The following SPTAN1 variants were observed in gnomAD, a reference collection of about 807,000 sequenced individuals.
The protein encoded by SPTAN1 is spectrin alpha, non-erythrocytic 1.
SPTAN1 carries 61 observed loss-of-function variants against 331.3 expected under a neutral mutation model. The observed-to-expected ratio is 0.18, with a 90% CI of 0.15 to 0.23. SPTAN1 has a LOEUF of 0.23. SPTAN1 is among the 10% of genes least tolerant of loss of function. The pLI is 1.00. For missense variants in SPTAN1, 2,043 were observed against 3,147.9 expected, an observed-to-expected ratio of 0.65 and a Z score of 8.40; for synonymous variants, 1,153 against 1,173.9, an observed-to-expected ratio of 0.98 and a Z score of 0.36.
At chr9:128,610,091 A>G (rs924369209) in intron 37 of SPTAN1, among the ~76,000 whole-genome samples, 1 of 152,204 alleles carries the variant, frequency 6.6e-6, no homozygotes, top group Non-Finnish European at 1.5e-5. Flanking sequence ...GTTTTAATGC[A>G]TACCCACTCT....
At position 128,629,602 on chromosome 9, in the gene SPTAN1, T is replaced by C. The variant is rs921752946; in HGVS notation, c.6708-719T>C. ...ACGTAACCCTAACTCGTTTGTTGTC[T>C]TTGTTTACTGGTAGCCTCTGTGACC... On this transcript the variant is annotated intron_variant, in intron 51 of 56. Transcript: ENST00000372739. This position sits in a 1 kb window ranked among gnomAD's most constrained non-coding sequence, Gnocchi z 4.9. 1 of 169,326 alleles carries C rather than the reference T, an allele frequency of 5.9e-6. No homozygotes were observed. Among genetic ancestry groups the C allele is most frequent in the Non-Finnish European group, 1.3e-5 (1 of 78,582 alleles). 10.5% of individuals were successfully genotyped at this position (169,326 alleles called of 1,614,324 possible).
chr9:128,568,355 G>T (rs10988041), intron 2 of SPTAN1, among the ~76,000 whole-genome samples: 2 of 152,086 alleles, frequency 1.3e-5, no homozygotes, highest in Admixed American at 1.3e-4. Context: ...AAAGTCTCAT[G>T]TGTGAGTGAA....
Position 128,582,543 on chromosome 9 carries a change from C to T in SPTAN1, c.1637C>T (p.Thr546Ile), listed in dbSNP as rs1852071796. 9 of 1,613,824 alleles carry T rather than the reference C, an allele frequency of 5.6e-6. No individual in the cohort carries two copies. The African/African-American group carries it at 9.3e-5, about 17-fold the overall frequency. ...CACTATGCAATGGAAGATGTGGCCA[C>T]TCGCCGAGATGCTGTAAGTTTGTAG... ...NNHYAMEDVA[T>I]RRDALLSRRN... The change falls in exon 13 of 57, where the codon ACT becomes ATT. Residue 546 changes from threonine to isoleucine, a missense_variant. Physicochemically the swap from Thr to Ile is moderately conservative, Grantham distance 89. Coordinates refer to ENST00000372739, the MANE Select transcript of SPTAN1 (RefSeq NM_001130438.3).
At chr9:128,554,859 A>T (rs1210103622) in intron 1 of SPTAN1, among the ~76,000 whole-genome samples, 2 of 152,192 alleles carry the variant, frequency 1.3e-5, no homozygotes, top group Non-Finnish European at 2.9e-5. Flanking sequence ...ACCAATTTTG[A>T]ACAGGAAATA....
chr9:128,594,270 A>G lies in SPTAN1; in HGVS notation c.3311A>G (p.Gln1104Arg). The G allele has an allele frequency of 6.2e-7, 1 of 1,614,136 alleles. No homozygotes were observed. The change falls in exon 24 of 57, where the codon CAG (glutamine) becomes CGG (arginine). Residue 1104 changes from glutamine (Q) to arginine (R), a missense_variant. Transcript: ENST00000372739. The stretch of plus-strand genomic sequence containing the variant: ...TTGTTCCGTGAAGCGAATGAACTAC[A>G]GCAATGGATCAATGAGAAGGAAGCC... Reference protein sequence around the residue: ...FMLFREANELQQWINEKEAAL... With the variant: ...FMLFREANELRQWINEKEAAL...
chr9:128,626,984 A>G (rs1362988849), intron 49 of SPTAN1: 3 of 574,102 alleles, frequency 5.2e-6, no homozygotes, highest in South Asian at 1.6e-5. Flanking sequence ...CTGGCTAATT[A>G]TTTTAATTTT....
chr9:128,575,381 TA>T, intron 5 of SPTAN1, 36 bp downstream of exon 5: 1 of 1,604,402 alleles, frequency 6.2e-7, no homozygotes, highest in Non-Finnish European at 8.5e-7. Context: ...CTCACAACAT[TA>T]TTATGTTAAC....
At chr9:128,556,961 A>T (rs984428377) in intron 1 of SPTAN1, among the ~76,000 whole-genome samples, 4 of 152,162 alleles carry the variant, frequency 2.6e-5, no homozygotes, top group Non-Finnish European at 5.9e-5. Flanking sequence ...ACATCCATGG[A>T]TATAGTTCTC....
chr9:128,599,081 G>C (rs75119678), intron 26 of SPTAN1, 95 bp downstream of exon 26: 2 of 1,224,318 alleles, frequency 1.6e-6, no homozygotes, highest in Middle Eastern at 1.9e-4. Flanking sequence ...CAGAATTGCT[G>C]TTCCTGAACC....
intron 40 of SPTAN1, among the ~76,000 whole-genome samples, chr9:128,614,458 A>C (rs1003157740): frequency 1.3e-5 from 2 of 151,896 alleles, no homozygotes; most frequent in Non-Finnish European, 2.9e-5. Context: ...AGGGCGTGGC[A>C]TGTGCCTATA....
intron 14 of SPTAN1, 82 bp downstream of exon 14, chr9:128,582,931 C>T (rs146507720): frequency 1.9e-5 from 30 of 1,597,536 alleles, no homozygotes; most frequent in African/African-American, 2.7e-5. Context: ...AGCTAAAGGA[C>T]GAAATAAGGG....
intron 24 of SPTAN1, 34 bp downstream of exon 24, chr9:128,594,407 G>A (rs374574349): frequency 3.8e-6 from 4 of 1,066,062 alleles, no homozygotes; most frequent in Admixed American, 3.8e-5. Context: ...CTGAAAATTT[G>A]TTTAAAGATT....
At chr9:128,624,180 A>G (rs1402977917) in intron 45 of SPTAN1, 148 bp from the exon 46 acceptor site, 3 of 841,768 alleles carry the variant, frequency 3.6e-6, no homozygotes, top group Admixed American at 2.1e-5. Flanking sequence ...TGCTCTTACA[A>G]AAGCCTTACC....
At chr9:128,631,931 A>G in intron 52 of SPTAN1, 196 bp from the exon 53 acceptor site, 1 of 617,990 alleles carries the variant, frequency 1.6e-6, no homozygotes, top group Admixed American at 2.9e-5. Context: ...CCTCACATTG[A>G]AAGTCTCTCC....
At chr9:128,575,167 G>T in intron 4 of SPTAN1, 32 bp from the exon 5 acceptor site, 1 of 1,614,072 alleles carries the variant, frequency 6.2e-7, no homozygotes, top group Non-Finnish European at 8.5e-7. Flanking sequence ...ATGTTGGTTG[G>T]TGACTCTGGC....
At chr9:128,557,846 C>T (rs1358218099) in intron 1 of SPTAN1, among the ~76,000 whole-genome samples, 2 of 140,520 alleles carry the variant, frequency 1.4e-5, no homozygotes, top group Admixed American at 7.8e-5. Flanking sequence ...CTCTGTCGCC[C>T]AGGCTGGAGT....
At position 128,583,244 on chromosome 9, in the gene SPTAN1, T is replaced by C; in HGVS notation, c.1974T>C (p.Ser658=). Reference sequence around the variant, plus strand: ...CAGCTCGTATGAATGAGGTGATCAGTTTGTGGAAGAAACTGCTAGAGGCCA... The same window carrying C: ...CAGCTCGTATGAATGAGGTGATCAGCTTGTGGAAGAAACTGCTAGAGGCCA... The part of the protein sequence containing the change: ...EVAARMNEVI[S]LWKKLLEATE... Residue 658 remains serine, a synonymous_variant, in exon 15 of 57, where the codon AGT becomes AGC. Transcript: ENST00000372739. The C allele has an allele frequency of 1.9e-6, 3 of 1,613,858 alleles. No individual in the cohort carries two copies. In the South Asian group the frequency reaches 3.3e-5, roughly 18 times the overall value.
chr9:128,611,903 C>A, intron 38 of SPTAN1, 58 bp downstream of exon 38: 1 of 1,612,868 alleles, frequency 6.2e-7, no homozygotes, highest in Admixed American at 1.7e-5. Context: ...CACTGTCAAC[C>A]TGATATAATA....
At chr9:128,624,921 G>T in intron 46 of SPTAN1, 182 bp from the exon 47 acceptor site, 1 of 674,566 alleles carries the variant, frequency 1.5e-6, no homozygotes, top group African/African-American at 1.8e-5. Flanking sequence ...GCTCGTCATG[G>T]CACAGATGGA....
Sources: allele counts gnomAD v4.1 joint callset (sites outside exome capture counted in the v4.1 genomes callset), GRCh38; gene constraint gnomAD v4.1.1; non-coding constraint Gnocchi (gnomAD v3.1); transcripts MANE v1.5; gene names NCBI Gene and HGNC (gene_info 2026-07-23, HGNC 2026-07-21).